SMARCA2: variants seen among roughly 807,000 people sequenced by gnomAD.
The protein encoded by SMARCA2 is SWI/SNF-related matrix-associated actin-dependent regulator of chromatin subfamily A member 2.
SMARCA2 carries 61 observed loss-of-function variants against 199.8 expected under a neutral mutation model. The ratio of observed to expected loss-of-function variants is 0.31; its 90% CI spans 0.25 to 0.38. The LOEUF (loss-of-function observed/expected upper bound fraction) is 0.38, where lower values mean the gene tolerates loss of function less well. SMARCA2 is among the 10% of genes least tolerant of loss of function. The probability of loss-of-function intolerance (pLI) is 1.00; values close to 1 mark genes in which losing one functional copy is unlikely to be tolerated. For synonymous variants in SMARCA2, 935 were observed against 732.0 expected (o/e 1.28, Z -4.48); for missense variants, 1,344 against 2,012.2 (o/e 0.67, Z 6.35).
intron 1 of SMARCA2, 77 bp from the exon 2 acceptor site, chr9:2,028,910 A>C (rs1818945605): frequency 8.1e-7 from 1 of 1,233,126 alleles, no homozygotes; most frequent in Non-Finnish European, 1.1e-6. Flanking sequence ...GGCACCATCA[A>C]ATGCTAACAA....
chr9:2,185,074 G>A (rs572944712), intron 31 of SMARCA2, among the ~76,000 whole-genome samples: 9 of 152,204 alleles, frequency 5.9e-5, no homozygotes, highest in African/African-American at 1.9e-4. Flanking sequence ...TAATTTTTCA[G>A]TATACAGTTC....
At chr9:2,118,452 A>G (rs1823311615) in intron 25 of SMARCA2, among the ~76,000 whole-genome samples, 1 of 152,104 alleles carries the variant, frequency 6.6e-6, no homozygotes, top group African/African-American at 2.4e-5. Context: ...CCGCTAGTAC[A>G]CTCATACTCT....
intron 14 of SMARCA2, among the ~76,000 whole-genome samples, chr9:2,081,245 G>C (rs1586684260): frequency 6.6e-6 from 1 of 152,162 alleles, no homozygotes; most frequent in East Asian, 1.9e-4. Flanking sequence ...AATACGTTGA[G>C]CATGTTTCCA....
Position 2,083,457 on chromosome 9 carries a change from A to T in SMARCA2, c.2415+44A>T, listed in dbSNP as rs376433379. On this transcript the variant is annotated intron_variant, in intron 16 of 33. Coordinates refer to ENST00000349721, the MANE Select transcript of SMARCA2 (RefSeq NM_003070.5). ...ATATATAAATGTGGAAAAGCAAAAA[A>T]TAGACCCTATTTTCTTCATTCCATA... 4.8e-6 allele frequency: 6 copies of T among 1,257,286 alleles called. No homozygotes were observed. In the African/African-American group the frequency reaches 7.5e-5, roughly 16 times the overall value. The allele number at this position is 1,257,286 out of a possible 1,614,324, so 77.9% of individuals were successfully genotyped here. A position where few individuals can be genotyped will look rare whatever the true frequency, so the allele number is the denominator to read the frequency against.
chr9:2,055,117 G>A (rs1001354841), intron 6 of SMARCA2, among the ~76,000 whole-genome samples: 5 of 152,212 alleles, frequency 3.3e-5, no homozygotes, highest in African/African-American at 1.2e-4. Flanking sequence ...TGCTTGCCAC[G>A]ACTGTGAAAA....
chr9:2,098,120 G>A (rs979426086), intron 21 of SMARCA2, among the ~76,000 whole-genome samples: 1 of 152,184 alleles, frequency 6.6e-6, no homozygotes, highest in African/African-American at 2.4e-5. Flanking sequence ...ATTGACTGGA[G>A]CAGGAATGAA....
chr9:2,098,353 A>G (rs1055613281), intron 21 of SMARCA2, among the ~76,000 whole-genome samples: 2 of 152,220 alleles, frequency 1.3e-5, no homozygotes, highest in Non-Finnish European at 2.9e-5. Context: ...ATTGAGTTGG[A>G]GCACTCTTCT....
At chr9:2,172,436 G>GT (rs1227598433) in intron 29 of SMARCA2, among the ~76,000 whole-genome samples, 2 of 151,482 alleles carry the variant, frequency 1.3e-5, no homozygotes, top group South Asian at 2.1e-4. Flanking sequence ...GGGAGGATGG[G>GT]TGGGGGGGCA....
At chr9:2,096,813 C>T (rs763126294) in intron 20 of SMARCA2, 49 bp downstream of exon 20, 2 of 1,089,488 alleles carry the variant, frequency 1.8e-6, no homozygotes, top group Admixed American at 3.4e-5. Context: ...TATGTCTTCT[C>T]ATGGCTGTGA....
intron 33 of SMARCA2, chr9:2,191,638 C>G (rs1324277756): frequency 5.1e-6 from 2 of 390,694 alleles, no homozygotes; most frequent in Non-Finnish European, 9.2e-6. Context: ...TGAAAAACTA[C>G]CAAATCAAGC....
At chr9:2,118,973 G>C (rs1823334861) in intron 25 of SMARCA2, among the ~76,000 whole-genome samples, 1 of 152,118 alleles carries the variant, frequency 6.6e-6, no homozygotes, top group Admixed American at 6.5e-5. Flanking sequence ...TATTGTCTTA[G>C]TGCCTAGTAA....
chr9:2,173,400 G>C (rs1826364255), intron 29 of SMARCA2, among the ~76,000 whole-genome samples: 1 of 152,170 alleles, frequency 6.6e-6, no homozygotes, highest in Non-Finnish European at 1.5e-5. Flanking sequence ...ATGAGAGCGA[G>C]AGGCTGTAAT....
At chr9:2,091,624 ATG>A (rs1344015077) in intron 19 of SMARCA2, among the ~76,000 whole-genome samples, 1 of 152,186 alleles carries the variant, frequency 6.6e-6, no homozygotes, top group Non-Finnish European at 1.5e-5. Flanking sequence ...CCTTAGGTGT[ATG>A]ACTGGTTGAT....
chr9:2,111,493 A>C (rs1237787006), intron 24 of SMARCA2, among the ~76,000 whole-genome samples: 3 of 103,954 alleles, frequency 2.9e-5, no homozygotes, highest in Non-Finnish European at 5.1e-5. Context: ...CCGTGTCTCA[A>C]AAAAAAAAAA....
chr9:2,157,428 G>T (rs914756734), intron 27 of SMARCA2, among the ~76,000 whole-genome samples: 1 of 152,136 alleles, frequency 6.6e-6, no homozygotes, highest in Non-Finnish European at 1.5e-5. Flanking sequence ...CCCATGCCCA[G>T]CAGCATCCCA....
intron 24 of SMARCA2, among the ~76,000 whole-genome samples, chr9:2,113,694 A>T (rs1823102183): frequency 6.6e-6 from 1 of 152,214 alleles, no homozygotes; most frequent in South Asian, 2.1e-4. Flanking sequence ...ACTTAACTGC[A>T]GCAAATTCCC....
chr9:2,115,681 T>C lies in SMARCA2; in HGVS notation c.3457-141T>C. 1.5e-6 allele frequency: 1 copy of C among 669,590 alleles called. No homozygotes were observed. The highest frequency in any genetic ancestry group is 2.0e-5 in the South Asian group (1 of 49,472). 41.5% of individuals were successfully genotyped at this position (669,590 alleles called of 1,614,324 possible). A position where few individuals can be genotyped will look rare whatever the true frequency, so the allele number is the denominator to read the frequency against. On this transcript the variant is annotated intron_variant, in intron 24 of 33. Coordinates refer to ENST00000349721, the MANE Select transcript of SMARCA2 (RefSeq NM_003070.5). The surrounding 1 kb of genome is among the most constrained non-coding windows in gnomAD (Gnocchi z 6.0). Reference sequence around the variant, plus strand: ...TGAATTTTTCCAAACGTAGCTTGTGTGTTTTTAAAATGTAGGCAAAATCTT... The same window carrying C: ...TGAATTTTTCCAAACGTAGCTTGTGCGTTTTTAAAATGTAGGCAAAATCTT...
intron 15 of SMARCA2, among the ~76,000 whole-genome samples, chr9:2,082,682 A>T (rs1383789867): frequency 1.3e-5 from 2 of 152,216 alleles, no homozygotes; most frequent in Non-Finnish European, 2.9e-5. Context: ...TTTGTTCACC[A>T]AGGTCTTGTT....
At chr9:2,107,609 T>C (rs995697961) in intron 23 of SMARCA2, among the ~76,000 whole-genome samples, 4 of 152,226 alleles carry the variant, frequency 2.6e-5, no homozygotes, top group Non-Finnish European at 1.5e-5. Context: ...TGAGCCACCA[T>C]GCCTGGCCTA....
Sources: gnomAD v4.1 joint callset for allele counts (sites outside exome capture counted in the v4.1 genomes callset) on GRCh38, gnomAD v4.1.1 for gene constraint, Gnocchi (gnomAD v3.1) non-coding constraint, MANE v1.5 for transcripts, NCBI Gene and HGNC (gene_info 2026-07-23, HGNC 2026-07-21) for gene names.